SLC4A4: variants seen among roughly 807,000 people sequenced by gnomAD.
SLC4A4 encodes solute carrier family 4 member 4, also known as electrogenic sodium bicarbonate cotransporter 1.
Under a neutral mutation model 111.5 loss-of-function variants are expected in SLC4A4, and 27 were observed. The observed-to-expected ratio is 0.24, with a 90% CI of 0.18 to 0.33. SLC4A4 has a LOEUF of 0.33. Ranked by LOEUF, SLC4A4 falls within the 10% of genes least tolerant of loss-of-function variation. The probability of loss-of-function intolerance (pLI) is 1.00; values close to 1 mark genes in which losing one functional copy is unlikely to be tolerated. For synonymous variants in SLC4A4, 443 were observed against 463.4 expected (o/e 0.96, Z 0.57); for missense variants, 909 against 1,315.5 (o/e 0.69, Z 4.78).
At chr4:71,135,191 T>G (rs1042578114) in intron 2 of SLC4A4, among the ~76,000 whole-genome samples, 1 of 152,168 alleles carries the variant, frequency 6.6e-6, no homozygotes, top group African/African-American at 2.4e-5. Context: ...ATACATCATG[T>G]ACAATATGAT....
intron 12 of SLC4A4, among the ~76,000 whole-genome samples, chr4:71,454,930 T>C (rs909810824): frequency 3.9e-5 from 6 of 152,086 alleles, no homozygotes; most frequent in Admixed American, 2.6e-4. Context: ...TCTTTACTCA[T>C]GTGTTGGTGC....
intron 1 of SLC4A4, among the ~76,000 whole-genome samples, chr4:71,071,550 T>C (rs2148930323): frequency 6.6e-6 from 1 of 152,312 alleles, no homozygotes; most frequent in Admixed American, 6.5e-5. Flanking sequence ...AAAATTAGAT[T>C]ATTTTTTCAT....
chr4:71,120,154 TTTGA>T (rs1321642182), intron 2 of SLC4A4, among the ~76,000 whole-genome samples: 2 of 152,308 alleles, frequency 1.3e-5, no homozygotes, highest in East Asian at 3.9e-4. Flanking sequence ...TCTTGTGTCC[TTTGA>T]TTGTGGATTG....
At chr4:71,536,463 T>TATATATATATATATATATATAC (rs1488959535) in intron 18 of SLC4A4, among the ~76,000 whole-genome samples, 19 of 56,546 alleles carry the variant, frequency 3.4e-4, no homozygotes, top group African/African-American at 1.0e-3. Flanking sequence ...TATACATATA[T>TATATATATATATATATATATAC]ACATATATAT....
intron 6 of SLC4A4, among the ~76,000 whole-genome samples, chr4:71,393,554 G>A (rs1477873259): frequency 6.6e-6 from 1 of 152,042 alleles, no homozygotes; most frequent in Admixed American, 6.5e-5. Flanking sequence ...GCTCATGGAT[G>A]GGTAGAATCT....
chr4:71,166,710 CTT>C (rs1160254540), intron 2 of SLC4A4, among the ~76,000 whole-genome samples: 1 of 152,154 alleles, frequency 6.6e-6, no homozygotes, highest in African/African-American at 2.4e-5. Flanking sequence ...TACTATCAAA[CTT>C]AATTTTTCCA....
chr4:71,420,694 G>A (rs1316622345), intron 7 of SLC4A4, among the ~76,000 whole-genome samples: 1 of 151,064 alleles, frequency 6.6e-6, no homozygotes, highest in Non-Finnish European at 1.5e-5. Context: ...CATTCTTAAA[G>A]AAAAGAATTT....
At chr4:71,531,050 A>G (rs1038394522) in intron 16 of SLC4A4, among the ~76,000 whole-genome samples, 1 of 152,142 alleles carries the variant, frequency 6.6e-6, no homozygotes, top group Non-Finnish European at 1.5e-5. Flanking sequence ...GCACCAAGAA[A>G]AGTATTGGGA....
intron 3 of SLC4A4, among the ~76,000 whole-genome samples, chr4:71,310,455 A>G (rs2579350): frequency 0.029 from 4,445 of 152,318 alleles, 229 homozygotes; most frequent in African/African-American, 0.1. Context: ...CTGGTTACCT[A>G]CAAAAGGAAA....
At chr4:71,080,845 CAT>C (rs1186923425) in intron 1 of SLC4A4, among the ~76,000 whole-genome samples, 1 of 152,032 alleles carries the variant, frequency 6.6e-6, no homozygotes, top group East Asian at 1.9e-4. Flanking sequence ...CTAGCTATTA[CAT>C]AGAGTTCCAT....
chr4:71,292,415 A>G (rs931585828), intron 3 of SLC4A4, among the ~76,000 whole-genome samples: 3 of 152,204 alleles, frequency 2.0e-5, no homozygotes, highest in African/African-American at 4.8e-5. Flanking sequence ...GTAAGGAGGG[A>G]CTAAGTACAG....
intron 16 of SLC4A4, among the ~76,000 whole-genome samples, chr4:71,508,566 T>A (rs1362885891): frequency 2.6e-5 from 4 of 152,146 alleles, no homozygotes; most frequent in African/African-American, 9.7e-5. Flanking sequence ...CAGGAGAAAG[T>A]TGAATCCCTG....
At chr4:71,341,776 A>C (rs1048589682) in intron 4 of SLC4A4, among the ~76,000 whole-genome samples, 1 of 152,102 alleles carries the variant, frequency 6.6e-6, no homozygotes, top group Admixed American at 6.5e-5. Context: ...AAATTAATTT[A>C]TTTGATAATG....
At chr4:71,503,144 GT>G (rs1423776991) in intron 16 of SLC4A4, among the ~76,000 whole-genome samples, 1 of 151,308 alleles carries the variant, frequency 6.6e-6, no homozygotes, top group Non-Finnish European at 1.5e-5. Context: ...ATCACTTTTG[GT>G]TTCCATTTGC....
Position 71,559,997 on chromosome 4 carries a change from A to G in SLC4A4, c.2938-96A>G, listed in dbSNP as rs558828757. 1.1e-4 allele frequency: 105 copies of G among 922,208 alleles called. No homozygotes were observed. In the Middle Eastern group the frequency reaches 1.9e-3, roughly 17 times the overall value. The allele number at this position is 922,208 out of a possible 1,614,324, so 57.1% of individuals were successfully genotyped here. A position where few individuals can be genotyped will look rare whatever the true frequency, so the allele number is the denominator to read the frequency against. ...TCATACTCTATCTAGCCTTACACAA[A>G]GTAGGTTTCTGTGGTCTTTGATAGG... On this transcript the variant is annotated intron_variant, in intron 22 of 25. Transcript: ENST00000264485.
chr4:71,493,315 A>G (rs1217555269), intron 15 of SLC4A4, among the ~76,000 whole-genome samples: 2 of 151,970 alleles, frequency 1.3e-5, no homozygotes, highest in African/African-American at 4.8e-5. Context: ...GGCATCCTAC[A>G]TTTTACCCAG....
intron 7 of SLC4A4, among the ~76,000 whole-genome samples, chr4:71,407,920 A>G (rs1337697278): frequency 1.3e-5 from 2 of 152,136 alleles, no homozygotes; most frequent in Non-Finnish European, 2.9e-5. Flanking sequence ...GCTAAACCCC[A>G]TGGTTCTTTG....
chr4:71,151,465 C>T (rs547411043), intron 2 of SLC4A4, among the ~76,000 whole-genome samples: 143 of 152,156 alleles, frequency 9.4e-4, no homozygotes, highest in Non-Finnish European at 9.6e-4. Context: ...CTGACATAGC[C>T]TTTGTCATTT....
At chr4:71,171,892 T>A (rs1360361731) in intron 2 of SLC4A4, among the ~76,000 whole-genome samples, 6 of 152,242 alleles carry the variant, frequency 3.9e-5, no homozygotes, top group Non-Finnish European at 5.9e-5. Flanking sequence ...CTTTCTGTAT[T>A]TTAATTTAAT....
Sources: gnomAD v4.1 joint callset for allele counts (sites outside exome capture counted in the v4.1 genomes callset) on GRCh38, gnomAD v4.1.1 for gene constraint, MANE v1.5 for transcripts, NCBI Gene and HGNC (gene_info 2026-07-23, HGNC 2026-07-21) for gene names.